Variants in SERGEF observed in about 807,000 individuals in gnomAD.
SERGEF encodes the protein secretion-regulating guanine nucleotide exchange factor.
Under a neutral mutation model 50.0 loss-of-function variants are expected in SERGEF, and 51 were observed. That is an observed-to-expected ratio of 1.02 (90% confidence interval 0.81 to 1.29). The LOEUF is 1.29. SERGEF is among the 50% of genes most tolerant of loss of function. SERGEF has a pLI of 0.00. For missense variants in SERGEF, 521 were observed against 557.0 expected (o/e 0.94, Z 0.65); for synonymous variants, 205 against 212.4 (o/e 0.97, Z 0.30).
At chr11:17,842,383 A>T (rs534187717) in intron 10 of SERGEF, among the ~76,000 whole-genome samples, 102 of 152,278 alleles carry the variant, frequency 6.7e-4, no homozygotes, top group African/African-American at 2.4e-3. Flanking sequence ...ACTACAGTGA[A>T]ACACCTTCTA....
At chr11:17,819,171 A>G (rs1182598197) in intron 10 of SERGEF, among the ~76,000 whole-genome samples, 6 of 152,230 alleles carry the variant, frequency 3.9e-5, no homozygotes, top group Non-Finnish European at 8.8e-5. Context: ...CTTCATATAC[A>G]CCAATCAAAG....
At chr11:18,003,793 T>C (rs1854017207) in intron 4 of SERGEF, among the ~76,000 whole-genome samples, 1 of 152,202 alleles carries the variant, frequency 6.6e-6, no homozygotes, top group Non-Finnish European at 1.5e-5. Context: ...AGATTAGTAC[T>C]CACCAGGGGC....
chr11:18,004,617 T>C (rs566822570), intron 3 of SERGEF, 82 bp from the exon 4 acceptor site: 421 of 933,728 alleles, frequency 4.5e-4, no homozygotes, highest in South Asian at 1.0e-3. Flanking sequence ...GGGTGAGAGA[T>C]GCAAAGGGGA....
At chr11:18,004,292 T>C (rs761876528) in intron 4 of SERGEF, 149 bp downstream of exon 4, 3 of 545,864 alleles carry the variant, frequency 5.5e-6, no homozygotes, top group African/African-American at 1.9e-5. Flanking sequence ...AACTTAATTT[T>C]TCCCAGAAGG....
At chr11:17,942,962 T>C (rs1852588036) in intron 9 of SERGEF, among the ~76,000 whole-genome samples, 1 of 152,150 alleles carries the variant, frequency 6.6e-6, no homozygotes, top group African/African-American at 2.4e-5. Context: ...GGTCATGATA[T>C]ATTATCCTTT....
At chr11:17,928,329 C>T (rs899824795) in intron 9 of SERGEF, among the ~76,000 whole-genome samples, 1 of 152,052 alleles carries the variant, frequency 6.6e-6, no homozygotes, top group African/African-American at 2.4e-5. Flanking sequence ...GACAGTATGG[C>T]AAAGGTGAGA....
At chr11:17,908,536 G>A (rs1046053791) in intron 9 of SERGEF, among the ~76,000 whole-genome samples, 3 of 151,998 alleles carry the variant, frequency 2.0e-5, no homozygotes, top group Admixed American at 2.0e-4. Flanking sequence ...AACATCTTAT[G>A]TTTATGCCAT....
At chr11:17,830,109 CACCTCTCT>C (rs1275354841) in intron 10 of SERGEF, among the ~76,000 whole-genome samples, 1 of 152,228 alleles carries the variant, frequency 6.6e-6, no homozygotes, top group Non-Finnish European at 1.5e-5. Context: ...CACTAATACC[CACCTCTCT>C]ACCCATCCTG....
At chr11:18,005,989 T>C (rs189164865) in intron 3 of SERGEF, among the ~76,000 whole-genome samples, 26 of 152,336 alleles carry the variant, frequency 1.7e-4, no homozygotes, top group Admixed American at 1.6e-3. Flanking sequence ...ACAGCTATCA[T>C]GAACTTTTGG....
intron 10 of SERGEF, among the ~76,000 whole-genome samples, chr11:17,846,943 T>C (rs1850625077): frequency 6.6e-6 from 1 of 152,108 alleles, no homozygotes; most frequent in Non-Finnish European, 1.5e-5. Context: ...GTGTCTTAGA[T>C]GTGTGTGTGT....
intron 8 of SERGEF, among the ~76,000 whole-genome samples, chr11:17,985,175 G>T (rs563846437): frequency 1.3e-5 from 2 of 152,136 alleles, no homozygotes; most frequent in South Asian, 4.1e-4. Flanking sequence ...TATCCCTGTG[G>T]AAACAGAAGT....
intron 5 of SERGEF, among the ~76,000 whole-genome samples, chr11:17,997,388 G>T (rs184176467): frequency 4.6e-5 from 7 of 152,224 alleles, no homozygotes; most frequent in African/African-American, 1.7e-4. Context: ...AACAAGTGTT[G>T]GTGAGTTTTT....
intron 4 of SERGEF, among the ~76,000 whole-genome samples, chr11:18,003,967 C>T (rs954369980): frequency 6.6e-6 from 1 of 152,112 alleles, no homozygotes; most frequent in Non-Finnish European, 1.5e-5. Flanking sequence ...CTCAATAATG[C>T]TGTTATTTTA....
intron 1 of SERGEF, chr11:18,012,595 A>G (rs1301812883): frequency 7.8e-5 from 92 of 1,177,588 alleles, no homozygotes; most frequent in Non-Finnish European, 8.9e-5. Context: ...GAGCTCTGGG[A>G]CCGGGCGATC....
chr11:17,833,154 A>ATT (rs757633355), intron 10 of SERGEF, among the ~76,000 whole-genome samples: 3 of 152,114 alleles, frequency 2.0e-5, no homozygotes, highest in Non-Finnish European at 4.4e-5. Context: ...GGAAAATATT[A>ATT]TTTTGTGGGC....
intron 1 of SERGEF, 99 bp from the exon 2 acceptor site, chr11:18,008,175 A>G: frequency 8.2e-7 from 1 of 1,219,146 alleles, no homozygotes; most frequent in Admixed American, 2.5e-5. Flanking sequence ...TATCTCTCAG[A>G]CCCTGTAACA....
chr11:17,830,633 GGGGAGGGAGA>G (rs1428454871), intron 10 of SERGEF, among the ~76,000 whole-genome samples: 8 of 84,678 alleles, frequency 9.4e-5, no homozygotes, highest in Non-Finnish European at 1.3e-4. Flanking sequence ...AGAGGGAAAG[GGGGAGGGAGA>G]GGGAGGGAGA....
chr11:17,804,340 G>A (rs565344641), intron 10 of SERGEF, among the ~76,000 whole-genome samples: 3 of 152,316 alleles, frequency 2.0e-5, no homozygotes, highest in Non-Finnish European at 4.4e-5. Flanking sequence ...CTGGAGCAGG[G>A]ATGAAAGGCT....
rs1296715761 is a variant in SERGEF at position 17,815,472 on chromosome 11, G to A, written c.1049-27059C>T. On this transcript the variant is annotated intron_variant, in intron 10 of 10. Coordinates refer to ENST00000265965, the MANE Select transcript of SERGEF (RefSeq NM_012139.4). Reference sequence around the variant, plus strand: ...AAAAAAAAAAATACAAAGATTAGCCGGGCGTGGTGGCACATGCCTGTAGTC... The same window carrying A: ...AAAAAAAAAAATACAAAGATTAGCCAGGCGTGGTGGCACATGCCTGTAGTC... 6.7e-5 allele frequency among the ~76,000 whole-genome samples: 10 copies of A among 150,164 alleles called. No homozygotes were observed. The East Asian group carries it at 9.9e-4, about 15-fold the overall frequency.
Sources: gnomAD v4.1 joint callset for allele counts (sites outside exome capture counted in the v4.1 genomes callset) on GRCh38, gnomAD v4.1.1 for gene constraint, MANE v1.5 for transcripts, NCBI Gene and HGNC (gene_info 2026-07-23, HGNC 2026-07-21) for gene names.